The following ATP8A2 variants were observed in gnomAD, a reference collection of about 807,000 sequenced individuals.
ATP8A2 encodes the protein phospholipid-transporting ATPase IB.
Under a neutral mutation model 165.6 loss-of-function variants are expected in ATP8A2, and 100 were observed. The observed-to-expected ratio is 0.60, with a 90% CI of 0.51 to 0.71. The LOEUF (loss-of-function observed/expected upper bound fraction) is 0.71, where lower values mean the gene tolerates loss of function less well. Among genes scored for constraint, ATP8A2 ranks in the 30% least tolerant of loss-of-function variants. The pLI is 0.00. For missense variants in ATP8A2, 1,227 were observed against 1,479.5 expected, an observed-to-expected ratio of 0.83 and a Z score of 2.80; for synonymous variants, 543 against 548.8, an observed-to-expected ratio of 0.99 and a Z score of 0.15.
chr13:25,910,087 C>T (rs1353099011), intron 33 of ATP8A2, among the ~76,000 whole-genome samples: 1 of 152,142 alleles, frequency 6.6e-6, no homozygotes, highest in East Asian at 1.9e-4. Context: ...GTGAAGAATA[C>T]CGCAGTGAAA....
rs532529642 is a variant in ATP8A2 at position 25,505,651 on chromosome 13, T to G, written c.222-24348T>G. 3.9e-5 allele frequency among the ~76,000 whole-genome samples: 6 copies of G among 152,338 alleles called. No individual in the cohort carries two copies. The South Asian group carries it at 1.2e-3, about 32-fold the overall frequency. ...CCAGAAAGACGTACACATCCCTGTT[T>G]CGCTCCGCAGGTCTGGACATTACCA... On this transcript the variant is annotated intron_variant, in intron 2 of 36. Coordinates refer to ENST00000381655, the MANE Select transcript of ATP8A2 (RefSeq NM_016529.6).
chr13:25,525,589 A>G (rs1480525854), intron 2 of ATP8A2, among the ~76,000 whole-genome samples: 2 of 152,028 alleles, frequency 1.3e-5, no homozygotes, highest in African/African-American at 4.8e-5. Flanking sequence ...GTATTCTTGG[A>G]TGGAAATTTT....
chr13:25,657,056 A>C (rs2041947635), intron 24 of ATP8A2, among the ~76,000 whole-genome samples: 1 of 23,104 alleles, frequency 4.3e-5, no homozygotes, highest in Non-Finnish European at 1.1e-4. Context: ...CTGTCTCAAA[A>C]AAAAAAAAAA....
intron 32 of ATP8A2, among the ~76,000 whole-genome samples, chr13:25,861,157 A>G (rs898198177): frequency 6.6e-6 from 1 of 152,228 alleles, no homozygotes; most frequent in Admixed American, 6.5e-5. Context: ...GAAAATATAG[A>G]AGGACAAAAA....
intron 35 of ATP8A2, among the ~76,000 whole-genome samples, chr13:25,976,997 A>G (rs373820417): frequency 1.4e-5 from 2 of 144,724 alleles, no homozygotes; most frequent in East Asian, 4.5e-4. Context: ...CATCTTGGCC[A>G]GGCTGGTCTT....
At chr13:25,726,885 T>C (rs1425161562) in intron 25 of ATP8A2, among the ~76,000 whole-genome samples, 2 of 151,962 alleles carry the variant, frequency 1.3e-5, no homozygotes, top group Non-Finnish European at 2.9e-5. Context: ...GACCCTGCAA[T>C]AGGGCAGGAA....
At chr13:25,737,814 C>A (rs1284485607) in intron 25 of ATP8A2, among the ~76,000 whole-genome samples, 2 of 152,220 alleles carry the variant, frequency 1.3e-5, no homozygotes, top group African/African-American at 4.8e-5. Context: ...TCCCGAGTAG[C>A]TGGGACTTCA....
intron 34 of ATP8A2, among the ~76,000 whole-genome samples, chr13:25,963,393 C>CAAA (rs763926807): frequency 4.3e-5 from 5 of 115,376 alleles, no homozygotes; most frequent in Non-Finnish European, 9.3e-5. Flanking sequence ...GACTCCGTCT[C>CAAA]AAAAAAAAAA....
At chr13:25,495,900 A>G (rs1454317305) in intron 2 of ATP8A2, among the ~76,000 whole-genome samples, 1 of 151,958 alleles carries the variant, frequency 6.6e-6, no homozygotes, top group Non-Finnish European at 1.5e-5. Flanking sequence ...ATCTTTCTGG[A>G]TTAAAACCCT....
chr13:26,019,687 A>T (rs528677150), intron 36 of ATP8A2, among the ~76,000 whole-genome samples: 1 of 152,106 alleles, frequency 6.6e-6, no homozygotes, highest in Admixed American at 6.6e-5. Context: ...GAACCATGGG[A>T]CCCCAGTTAG....
At chr13:25,946,593 G>A (rs1478928364) in intron 33 of ATP8A2, among the ~76,000 whole-genome samples, 3 of 152,162 alleles carry the variant, frequency 2.0e-5, no homozygotes, top group Non-Finnish European at 4.4e-5. Context: ...ACTCGCCCAC[G>A]GAATGCCTCT....
chr13:25,505,623 T>C (rs544068467), intron 2 of ATP8A2, among the ~76,000 whole-genome samples: 2 of 152,332 alleles, frequency 1.3e-5, no homozygotes, highest in East Asian at 3.9e-4. Flanking sequence ...TCCAAATCTG[T>C]ATCCAGAAAG....
At chr13:25,642,489 TA>T (rs932567072) in intron 24 of ATP8A2, among the ~76,000 whole-genome samples, 2 of 152,000 alleles carry the variant, frequency 1.3e-5, no homozygotes, top group African/African-American at 4.8e-5. Context: ...AACAGACACA[TA>T]AAAAATGCTC....
At position 25,697,537 on chromosome 13, in the gene ATP8A2, T is replaced by C. The variant is rs568043923; in HGVS notation, c.2212-1636T>C. Among the ~76,000 whole-genome samples the C allele has an allele frequency of 1.5e-3, 231 of 152,310 alleles. 1 individual carries two copies. The highest frequency in any genetic ancestry group is 5.4e-3 in the African/African-American group (224 of 41,568). Reference sequence around the variant, plus strand: ...CTCAAGTGATCCACCTGCCTCGGCCTCCCAGAGTGCTGGGATTATAGGCGT... The same window carrying C: ...CTCAAGTGATCCACCTGCCTCGGCCCCCCAGAGTGCTGGGATTATAGGCGT... On this transcript the variant is annotated intron_variant, in intron 24 of 36. Coordinates refer to ENST00000381655, the MANE Select transcript of ATP8A2 (RefSeq NM_016529.6).
intron 2 of ATP8A2, among the ~76,000 whole-genome samples, chr13:25,524,513 A>G (rs549877307): frequency 1.3e-5 from 2 of 152,138 alleles, no homozygotes; most frequent in South Asian, 4.2e-4. Context: ...TAGATATATT[A>G]ATGTTTGCTT....
At chr13:25,914,876 C>T (rs1954222766) in intron 33 of ATP8A2, among the ~76,000 whole-genome samples, 1 of 152,238 alleles carries the variant, frequency 6.6e-6, no homozygotes, top group African/African-American at 2.4e-5. Context: ...CTTTCACATG[C>T]CGTGCATCCC....
chr13:25,937,693 C>T (rs1954945573), intron 33 of ATP8A2, among the ~76,000 whole-genome samples: 1 of 150,826 alleles, frequency 6.6e-6, no homozygotes, highest in Admixed American at 6.6e-5. Context: ...ACTAAAAATA[C>T]AAAAAATTAG....
intron 33 of ATP8A2, among the ~76,000 whole-genome samples, chr13:25,881,730 G>A (rs1952985512): frequency 6.6e-6 from 1 of 152,162 alleles, no homozygotes; most frequent in African/African-American, 2.4e-5. Context: ...CACTGCAGGT[G>A]TTTCCCTCAG....
intron 33 of ATP8A2, among the ~76,000 whole-genome samples, chr13:25,939,299 T>C (rs1955002492): frequency 6.6e-6 from 1 of 152,234 alleles, no homozygotes; most frequent in African/African-American, 2.4e-5. Flanking sequence ...TGCTTTCCTT[T>C]TAGAGCTTCC....
Sources: gnomAD v4.1 joint callset for allele counts (sites outside exome capture counted in the v4.1 genomes callset) on GRCh38, gnomAD v4.1.1 for gene constraint, MANE v1.5 for transcripts, NCBI Gene and HGNC (gene_info 2026-07-23, HGNC 2026-07-21) for gene names.